The following BCAS3 variants were observed in gnomAD, a reference collection of about 807,000 sequenced individuals.
BCAS3 encodes the protein BCAS3 microtubule associated cell migration factor.
In BCAS3, 53 loss-of-function variants were observed where a neutral mutation model predicts 116.1. The observed-to-expected ratio is 0.46, with a 90% CI of 0.37 to 0.57. The LOEUF (loss-of-function observed/expected upper bound fraction) is 0.57. Among genes scored for constraint, BCAS3 ranks in the 20% least tolerant of loss-of-function variants. BCAS3 has a pLI of 0.00. For missense variants in BCAS3, 917 were observed against 1,165.4 expected (o/e 0.79, Z 3.10); for synonymous variants, 391 against 408.2 (o/e 0.96, Z 0.51).
intron 7 of BCAS3, among the ~76,000 whole-genome samples, chr17:60,817,680 T>C (rs1446476386): frequency 6.6e-6 from 1 of 152,150 alleles, no homozygotes; most frequent in Non-Finnish European, 1.5e-5. Flanking sequence ...AATTTCTTCA[T>C]CTCAGTTGGT....
intron 1 of BCAS3, among the ~76,000 whole-genome samples, chr17:60,678,434 C>T (rs1174099465): frequency 6.6e-6 from 1 of 152,060 alleles, no homozygotes; most frequent in East Asian, 1.9e-4. Context: ...TTCCCTGAGC[C>T]CTGTAAGAGA....
At chr17:60,974,982 GT>G (rs1215993175) in intron 14 of BCAS3, among the ~76,000 whole-genome samples, 1 of 136,322 alleles carries the variant, frequency 7.3e-6, no homozygotes, top group Non-Finnish European at 1.5e-5. Flanking sequence ...TGTTTTTTTT[GT>G]TTTTTTTGCT....
intron 22 of BCAS3, among the ~76,000 whole-genome samples, chr17:61,133,859 CAAAAAAAAAAAAAA>C (rs11449964): frequency 1.2e-5 from 1 of 81,930 alleles, no homozygotes; most frequent in Non-Finnish European, 2.3e-5. Context: ...CCTGGAATCT[CAAAAAAAAAAAAAA>C]AAAAAAAAAG....
At chr17:60,905,790 G>A (rs1295377981) in intron 11 of BCAS3, among the ~76,000 whole-genome samples, 1 of 152,188 alleles carries the variant, frequency 6.6e-6, no homozygotes, top group Non-Finnish European at 1.5e-5. Context: ...CAGGATTGGG[G>A]CGAGATGTGA....
chr17:61,238,227 GT>G (rs34208664), intron 22 of BCAS3, among the ~76,000 whole-genome samples: 49,583 of 141,108 alleles, frequency 0.35, 8,833 homozygotes, highest in African/African-American at 0.41. Context: ...AGTTTTTCGG[GT>G]TTTTTTTTTT....
chr17:60,689,048 T>G (rs1008294404), intron 3 of BCAS3: 4 of 152,114 alleles, frequency 2.6e-5, no homozygotes, highest in Admixed American at 1.3e-4. Context: ...TAGTTAAAGG[T>G]AGTAGTTGTG....
intron 22 of BCAS3, among the ~76,000 whole-genome samples, chr17:61,166,925 C>A (rs1301372895): frequency 6.6e-6 from 1 of 151,680 alleles, no homozygotes; most frequent in Admixed American, 6.6e-5. Context: ...TCACTACTCA[C>A]TACTCCATCT....
intron 22 of BCAS3, among the ~76,000 whole-genome samples, chr17:61,143,378 G>GA (rs1214515043): frequency 3.9e-5 from 6 of 152,148 alleles, no homozygotes; most frequent in East Asian, 3.9e-4. Flanking sequence ...GGTCCCTGGG[G>GA]AAAAAAATAA....
chr17:60,682,845 G>T (rs1178263879), intron 2 of BCAS3, among the ~76,000 whole-genome samples: 1 of 152,026 alleles, frequency 6.6e-6, no homozygotes, highest in African/African-American at 2.4e-5. Context: ...TGAAGAAGTT[G>T]TTTTTTTCCA....
At chr17:61,269,406 C>T (rs970203468) in intron 22 of BCAS3, among the ~76,000 whole-genome samples, 12 of 152,006 alleles carry the variant, frequency 7.9e-5, no homozygotes, top group East Asian at 7.7e-4. Context: ...TGAGCCACCG[C>T]GCCCGGCCAT....
chr17:60,731,478 G>A (rs1208834636), intron 5 of BCAS3, among the ~76,000 whole-genome samples: 1 of 152,142 alleles, frequency 6.6e-6, no homozygotes, highest in Non-Finnish European at 1.5e-5. Context: ...CTCCCAAAGT[G>A]CTGGGATTAC....
intron 5 of BCAS3, among the ~76,000 whole-genome samples, chr17:60,736,123 C>T (rs1392635942): frequency 6.6e-6 from 1 of 152,132 alleles, no homozygotes. Flanking sequence ...CTGTTAACCT[C>T]AAACTCCTGG....
intron 14 of BCAS3, among the ~76,000 whole-genome samples, chr17:60,963,145 T>C (rs1438066941): frequency 6.6e-6 from 1 of 152,342 alleles, no homozygotes; most frequent in Admixed American, 6.5e-5. Flanking sequence ...TATATACCTG[T>C]AGTAAATTTT....
At chr17:60,907,512 C>T (rs1018749363) in intron 11 of BCAS3, among the ~76,000 whole-genome samples, 6 of 152,184 alleles carry the variant, frequency 3.9e-5, no homozygotes, top group African/African-American at 7.2e-5. Flanking sequence ...AGTGACCCTT[C>T]GGCAAATCTG....
intron 22 of BCAS3, among the ~76,000 whole-genome samples, chr17:61,092,887 CTT>C (rs1410713997): frequency 1.6e-5 from 2 of 125,656 alleles, no homozygotes; most frequent in African/African-American, 5.9e-5. Context: ...CAAAAAAAAT[CTT>C]TTGTCCAGTC....
At chr17:60,870,438 G>A (rs570048189) in intron 8 of BCAS3, among the ~76,000 whole-genome samples, 12 of 152,250 alleles carry the variant, frequency 7.9e-5, no homozygotes, top group East Asian at 5.8e-4. Flanking sequence ...AAAGGGTCTC[G>A]GGAAGTGTGC....
chr17:61,050,959 T>C (rs1270307373), intron 19 of BCAS3, among the ~76,000 whole-genome samples: 1 of 151,988 alleles, frequency 6.6e-6, no homozygotes, highest in Non-Finnish European at 1.5e-5. Context: ...AAGTAAGAAA[T>C]GAATTACAGA....
intron 22 of BCAS3, among the ~76,000 whole-genome samples, chr17:61,125,669 G>A (rs1403201372): frequency 6.6e-6 from 1 of 152,084 alleles, no homozygotes; most frequent in African/African-American, 2.4e-5. Context: ...ACATTTTTCT[G>A]TGAATGGTTT....
At chr17:61,107,885 C>T (rs979685860) in intron 22 of BCAS3, among the ~76,000 whole-genome samples, 4 of 152,210 alleles carry the variant, frequency 2.6e-5, no homozygotes, top group African/African-American at 9.6e-5. Context: ...CCCACAAGCA[C>T]AGTTGCTGGG....
Sources: gnomAD v4.1 joint callset for allele counts (sites outside exome capture counted in the v4.1 genomes callset) on GRCh38, gnomAD v4.1.1 for gene constraint, MANE v1.5 for transcripts, NCBI Gene and HGNC (gene_info 2026-07-23, HGNC 2026-07-21) for gene names.